Variants in PLCG1 observed in about 807,000 individuals in gnomAD.
PLCG1 encodes 1-phosphatidylinositol 4,5-bisphosphate phosphodiesterase gamma-1.
PLCG1 carries 71 observed loss-of-function variants against 177.8 expected under a neutral mutation model. The ratio of observed to expected loss-of-function variants is 0.40; its 90% CI spans 0.33 to 0.49. The LOEUF (loss-of-function observed/expected upper bound fraction) is 0.49. PLCG1 is among the 20% of genes least tolerant of loss of function. PLCG1 has a pLI of 0.72. For missense variants in PLCG1, 1,281 were observed against 1,709.0 expected, an observed-to-expected ratio of 0.75 and a Z score of 4.42; for synonymous variants, 658 against 647.9, an observed-to-expected ratio of 1.02 and a Z score of -0.24.
In PLCG1 at chr20:41,166,080, T is replaced by C. The variant is rs892965966; in HGVS notation, c.1800-114T>C. 17 of 902,502 alleles carry C rather than the reference T, an allele frequency of 1.9e-5. No individual in the cohort carries two copies. The highest frequency in any genetic ancestry group is 1.5e-4 in the African/African-American group (9 of 60,280). The allele number at this position is 902,502 out of a possible 1,614,324, so 55.9% of individuals were successfully genotyped here. ...CCCACACCTGAGCTCCTCAGGAGAT[T>C]GGCCTCCCTCCTTGAGGCTCCCTCC... On this transcript the variant is annotated intron_variant, in intron 16 of 31. Transcript: ENST00000685551. The surrounding 1 kb of genome is among the most constrained non-coding windows in gnomAD (Gnocchi z 8.6).
Position 41,172,388 on chromosome 20 carries a change from G to A in PLCG1, c.2906-33G>A, listed in dbSNP as rs775085541. On this transcript the variant is annotated intron_variant, in intron 25 of 31. Transcript: ENST00000685551. This position sits in a 1 kb window ranked among gnomAD's most constrained non-coding sequence, Gnocchi z 7.0. Reference sequence around the variant, plus strand: ...TCCCCCCAACACTTCCTGGGTGGGCGGGCTCTGTAAGTGTTTTCCCTGTTT... The same window carrying A: ...TCCCCCCAACACTTCCTGGGTGGGCAGGCTCTGTAAGTGTTTTCCCTGTTT... The A allele has an allele frequency of 3.8e-6, 6 of 1,597,242 alleles. No homozygotes were observed. Among genetic ancestry groups the A allele is most frequent in the Middle Eastern group, 1.7e-4 (1 of 6,038 alleles).
chr20:41,172,464 C>T lies in PLCG1; in HGVS notation c.2949C>T (p.Phe983=). 15 of 1,614,206 alleles carry T rather than the reference C, an allele frequency of 9.3e-6. No individual in the cohort carries two copies. Among genetic ancestry groups the T allele is most frequent in the Non-Finnish European group, 1.3e-5 (15 of 1,180,030 alleles). Reference sequence around the variant, plus strand: ...CTTGCTACCGGGACATGTCATCCTTCCCGGAAACCAAGGCTGAGAAATACG... The same window carrying T: ...CTTGCTACCGGGACATGTCATCCTTTCCGGAAACCAAGGCTGAGAAATACG... ...ERACYRDMSS[F]PETKAEKYVN... The change falls in exon 26 of 32, where the codon TTC becomes TTT. Residue 983 remains phenylalanine, a synonymous_variant. Coordinates refer to ENST00000685551, the MANE Select transcript of PLCG1 (RefSeq NM_002660.3). The surrounding 1 kb of genome is among the most constrained non-coding windows in gnomAD (Gnocchi z 7.0).
In PLCG1 at chr20:41,175,888, G is replaced by A. The variant is rs2036052391; in HGVS notation, c.*1379G>A. ...TGTAACCCCTCCTCTGGGCTAACAGGAGTTGTGGGTCCACTCTCTCCTGCC... is the reference window on the plus strand; with the variant it reads ...TGTAACCCCTCCTCTGGGCTAACAGAAGTTGTGGGTCCACTCTCTCCTGCC... On this transcript the variant is annotated 3_prime_UTR_variant, in exon 32 of 32. Coordinates refer to ENST00000685551, the MANE Select transcript of PLCG1 (RefSeq NM_002660.3). The A allele has an allele frequency of 6.6e-6, 1 of 152,424 alleles. No homozygotes were observed. The highest frequency in any genetic ancestry group is 1.5e-5 in the Non-Finnish European group (1 of 68,044). 9.4% of individuals were successfully genotyped at this position (152,424 alleles called of 1,614,324 possible).
chr20:41,140,363 GC>G (rs1313710664), intron 1 of PLCG1, among the ~76,000 whole-genome samples: 2 of 152,200 alleles, frequency 1.3e-5, no homozygotes, highest in Non-Finnish European at 2.9e-5. Context: ...GATCCCTGCG[GC>G]CTCTGAGGAG....
rs1041938901 is a variant in PLCG1 at position 41,144,050 on chromosome 20, A to T, written c.217+6192A>T. 1.3e-5 allele frequency among the ~76,000 whole-genome samples: 2 copies of T among 152,186 alleles called. No homozygotes were observed. Among genetic ancestry groups the T allele is most frequent in the African/African-American group, 4.8e-5 (2 of 41,428 alleles). On this transcript the variant is annotated intron_variant, in intron 1 of 31. Coordinates refer to ENST00000685551, the MANE Select transcript of PLCG1 (RefSeq NM_002660.3). This position sits in a 1 kb window ranked among gnomAD's most constrained non-coding sequence, Gnocchi z 4.1. ...GTTCCTTCCCTGAGTCTGTACACAGAGGACTGGGGCATCAAAAAACTCTGG... is the reference window on the plus strand; with the variant it reads ...GTTCCTTCCCTGAGTCTGTACACAGTGGACTGGGGCATCAAAAAACTCTGG...
chr20:41,162,073 C>G (rs2035517541), intron 4 of PLCG1, among the ~76,000 whole-genome samples: 1 of 152,108 alleles, frequency 6.6e-6, no homozygotes. Context: ...TGCCTTCTGT[C>G]TTGGATAGGC....
chr20:41,174,587 G>GC lies in PLCG1; in HGVS notation c.*83dup, dbSNP rs1442354618. On this transcript the variant is annotated 3_prime_UTR_variant, in exon 32 of 32. Transcript: ENST00000685551. The surrounding 1 kb of genome is among the most constrained non-coding windows in gnomAD (Gnocchi z 5.8). ...CCGCGAACTGGGTTCTTTGGAAGCA[G>GC]CCCCCTGTGGCGGCCTTCCGGGTCT... 102 of 1,317,238 alleles carry GC rather than the reference G, an allele frequency of 7.7e-5. No homozygotes were observed. Among genetic ancestry groups the GC allele is most frequent in the Non-Finnish European group, 1.0e-4 (94 of 934,884 alleles). The allele number at this position is 1,317,238 out of a possible 1,614,324, so 81.6% of individuals were successfully genotyped here.
At chr20:41,168,488 A>T (rs557907525) in intron 20 of PLCG1, among the ~76,000 whole-genome samples, 1 of 152,228 alleles carries the variant, frequency 6.6e-6, no homozygotes, top group South Asian at 2.1e-4. Flanking sequence ...AGCGGATTCA[A>T]GGTTCTCCCT....
chr20:41,160,394 CTG>C lies in PLCG1; in HGVS notation c.512+242_512+243del, dbSNP rs1388680181. 6.6e-6 allele frequency among the ~76,000 whole-genome samples: 1 copy of C among 152,178 alleles called. No homozygotes were observed. The highest frequency in any genetic ancestry group is 1.5e-5 in the Non-Finnish European group (1 of 68,028). On this transcript the variant is annotated intron_variant, in intron 4 of 31. Coordinates refer to ENST00000685551, the MANE Select transcript of PLCG1 (RefSeq NM_002660.3). This position sits in a 1 kb window ranked among gnomAD's most constrained non-coding sequence, Gnocchi z 5.5. ...TGTGCCCTGCCACTATGGGCAGAGA[CTG>C]GATGTGTAGAACTGGCTTTGGGTGT...
At chr20:41,158,173 G>T (rs59692797) in intron 1 of PLCG1, among the ~76,000 whole-genome samples, 1 of 152,156 alleles carries the variant, frequency 6.6e-6, no homozygotes, top group African/African-American at 2.4e-5. Context: ...TTTTGTGACA[G>T]TTGCTAGAGG....
In PLCG1 at chr20:41,167,933, C is replaced by T. The variant is rs777586654; in HGVS notation, c.2379+4C>T. 1.9e-6 allele frequency: 3 copies of T among 1,607,086 alleles called. No individual in the cohort carries two copies. Among genetic ancestry groups the T allele is most frequent in the South Asian group, 1.1e-5 (1 of 90,918 alleles). On this transcript the variant is annotated splice_donor_region_variant and intron_variant, in intron 20 of 31. Coordinates refer to ENST00000685551, the MANE Select transcript of PLCG1 (RefSeq NM_002660.3). This position sits in a 1 kb window ranked among gnomAD's most constrained non-coding sequence, Gnocchi z 4.4. ...AAACCCTATGCCAACTTTCAAGGTA[C>T]AGCTCAGGCCTCTGGGCATAGGAAG...
chr20:41,168,932 A>C, intron 21 of PLCG1, 62 bp downstream of exon 21: 1 of 1,247,174 alleles, frequency 8.0e-7, no homozygotes, highest in Non-Finnish European at 1.2e-6. Context: ...GGCCCCAAAG[A>C]CATGCATTTG....
rs1415548201 is a variant in PLCG1 at position 41,156,682 on chromosome 20, G to A, written c.218-2924G>A. 1.3e-5 allele frequency among the ~76,000 whole-genome samples: 2 copies of A among 152,158 alleles called. No homozygotes were observed. Among genetic ancestry groups the A allele is most frequent in the Admixed American group, 6.5e-5 (1 of 15,282 alleles). Reference sequence around the variant, plus strand: ...GGAGTGCTAGGTCATGGATTTTTGGGTATAACGTGTGACTTTCCTACTCCC... The same window carrying A: ...GGAGTGCTAGGTCATGGATTTTTGGATATAACGTGTGACTTTCCTACTCCC... On this transcript the variant is annotated intron_variant, in intron 1 of 31. Coordinates refer to ENST00000685551, the MANE Select transcript of PLCG1 (RefSeq NM_002660.3). The surrounding 1 kb of genome is among the most constrained non-coding windows in gnomAD (Gnocchi z 5.0).
chr20:41,138,589 A>G (rs1426939771), intron 1 of PLCG1, among the ~76,000 whole-genome samples: 4 of 151,052 alleles, frequency 2.6e-5, no homozygotes, highest in African/African-American at 9.8e-5. Flanking sequence ...CCTGGGAAGC[A>G]CGTTCCCAGG....
At chr20:41,168,430 G>A (rs1049125319) in intron 20 of PLCG1, among the ~76,000 whole-genome samples, 8 of 152,216 alleles carry the variant, frequency 5.3e-5, no homozygotes, top group African/African-American at 1.7e-4. Flanking sequence ...AGGCACTCAG[G>A]GCCACTGCAG....
At position 41,164,849 on chromosome 20, in the gene PLCG1, G is replaced by T; in HGVS notation, c.1218-84G>T. 2 of 1,388,120 alleles carry T rather than the reference G, an allele frequency of 1.4e-6. No homozygotes were observed. The highest frequency in any genetic ancestry group is 2.0e-6 in the Non-Finnish European group (2 of 1,005,228). The allele number at this position is 1,388,120 out of a possible 1,614,324, so 86.0% of individuals were successfully genotyped here. ...CAGACAAGAAGCCCCCAGGCCCTTG[G>T]CTTCCAACAGCTCACTGTGAGGGGC... On this transcript the variant is annotated intron_variant, in intron 12 of 31. Coordinates refer to ENST00000685551, the MANE Select transcript of PLCG1 (RefSeq NM_002660.3). The surrounding 1 kb of genome is among the most constrained non-coding windows in gnomAD (Gnocchi z 6.4).
Position 41,157,172 on chromosome 20 carries a change from G to A in PLCG1, c.218-2434G>A, listed in dbSNP as rs570942997. On this transcript the variant is annotated intron_variant, in intron 1 of 31. Coordinates refer to ENST00000685551, the MANE Select transcript of PLCG1 (RefSeq NM_002660.3). This position sits in a 1 kb window ranked among gnomAD's most constrained non-coding sequence, Gnocchi z 5.4. ...GTTCTGCCTTCAACTGATCTCAATGGAAATATGTGCAGGAGTGCAGGCCTG... is the reference window on the plus strand; with the variant it reads ...GTTCTGCCTTCAACTGATCTCAATGAAAATATGTGCAGGAGTGCAGGCCTG... 7.7e-4 allele frequency among the ~76,000 whole-genome samples: 116 copies of A among 150,318 alleles called. 2 individuals are homozygous for A. The highest frequency in any genetic ancestry group is 2.8e-3 in the African/African-American group (114 of 40,458).
rs1318854099 is a variant in PLCG1 at position 41,165,570 on chromosome 20, T to TCTGGGGGCTGGGCCAGGTCAGGC, written c.1611+25_1612-41dup. ...CAAGGAGGTGAGGAACCAGCTCAGG[T>TCTGGGGGCTGGGCCAGGTCAGGC]CTGGGGGCTGGGCCAGGTCAGGCCT... On this transcript the variant is annotated intron_variant, in intron 15 of 31. Transcript: ENST00000685551. The surrounding 1 kb of genome is among the most constrained non-coding windows in gnomAD (Gnocchi z 6.6). 1 of 1,611,396 alleles carries TCTGGGGGCTGGGCCAGGTCAGGC rather than the reference T, an allele frequency of 6.2e-7. No homozygotes were observed. Among genetic ancestry groups the TCTGGGGGCTGGGCCAGGTCAGGC allele is most frequent in the Admixed American group, 1.7e-5 (1 of 60,016 alleles).
rs921493102 is a variant in PLCG1 at position 41,144,442 on chromosome 20, G to A, written c.217+6584G>A. ...ACTCATTGCCTCAATTTCAAAACCC[G>A]TCCTGCACTCATCCTTGCCACAACA... On this transcript the variant is annotated intron_variant, in intron 1 of 31. Transcript: ENST00000685551. This position sits in a 1 kb window ranked among gnomAD's most constrained non-coding sequence, Gnocchi z 4.1. Among the ~76,000 whole-genome samples, 7 of 152,118 alleles carry A rather than the reference G, an allele frequency of 4.6e-5. No individual in the cohort carries two copies. The highest frequency in any genetic ancestry group is 1.2e-4 in the African/African-American group (5 of 41,410).
Sources: gnomAD v4.1 joint callset for allele counts (sites outside exome capture counted in the v4.1 genomes callset) on GRCh38, gnomAD v4.1.1 for gene constraint, Gnocchi (gnomAD v3.1) non-coding constraint, MANE v1.5 for transcripts, NCBI Gene and HGNC (gene_info 2026-07-23, HGNC 2026-07-21) for gene names.